The following ICA1L variants were observed in gnomAD, a reference collection of about 807,000 sequenced individuals.
ICA1L encodes islet cell autoantigen 1-like protein.
ICA1L carries 50 observed loss-of-function variants against 61.3 expected under a neutral mutation model. That is an observed-to-expected ratio of 0.82 (90% CI 0.65 to 1.03). The LOEUF is 1.03. ICA1L is among the 50% of genes least tolerant of loss of function. The probability of loss-of-function intolerance (pLI) is 0.00; values close to 1 mark genes in which losing one functional copy is unlikely to be tolerated. For synonymous variants in ICA1L, 161 were observed against 191.3 expected (o/e 0.84, Z 1.31); for missense variants, 508 against 556.7 (o/e 0.91, Z 0.88).
intron 1 of ICA1L, among the ~76,000 whole-genome samples, chr2:202,847,713 A>ATATATATAT (rs1242055604): frequency 3.4e-5 from 5 of 147,412 alleles, no homozygotes; most frequent in South Asian, 2.1e-4. Flanking sequence ...ATATATAGTT[A>ATATATATAT]AGCAGTGAGA....
chr2:202,799,300 A>G (rs1013870546), intron 9 of ICA1L, among the ~76,000 whole-genome samples: 4 of 152,088 alleles, frequency 2.6e-5, no homozygotes, highest in Non-Finnish European at 5.9e-5. Flanking sequence ...TTGTCTTTTT[A>G]ATAATAGCCT....
intron 4 of ICA1L, 107 bp from the exon 5 acceptor site, chr2:202,820,006 A>C (rs1311663412): frequency 2.4e-6 from 2 of 821,442 alleles, no homozygotes; most frequent in Non-Finnish European, 3.8e-6. Flanking sequence ...TGAATCTACA[A>C]GTAAAAAATT....
intron 4 of ICA1L, among the ~76,000 whole-genome samples, chr2:202,820,934 T>C (rs1379281495): frequency 1.3e-5 from 2 of 152,142 alleles, no homozygotes; most frequent in Non-Finnish European, 2.9e-5. Context: ...AACTGGAAAG[T>C]ATGTAATTAA....
chr2:202,820,015 T>G (rs888487041), intron 4 of ICA1L, 116 bp from the exon 5 acceptor site: 2 of 751,038 alleles, frequency 2.7e-6, no homozygotes, highest in South Asian at 1.8e-5. Flanking sequence ...AAGTAAAAAA[T>G]TATTCAGTTC....
chr2:202,841,814 A>C, intron 1 of ICA1L: 1 of 323,192 alleles, frequency 3.1e-6, no homozygotes, highest in South Asian at 3.0e-5. Flanking sequence ...GGTGGGCTGA[A>C]CCAGATGGAG....
chr2:202,835,920 T>C (rs1441018082), intron 1 of ICA1L, among the ~76,000 whole-genome samples: 1 of 152,196 alleles, frequency 6.6e-6, no homozygotes, highest in Admixed American at 6.5e-5. Flanking sequence ...AGTTTTTTGG[T>C]GGAGTCTTCA....
intron 1 of ICA1L, among the ~76,000 whole-genome samples, chr2:202,843,611 G>A (rs1694386998): frequency 6.6e-6 from 1 of 152,324 alleles, no homozygotes; most frequent in African/African-American, 2.4e-5. Flanking sequence ...CTGCAGTTCT[G>A]AGTTCCCAGG....
chr2:202,856,438 C>A (rs561259451), intron 1 of ICA1L, among the ~76,000 whole-genome samples: 1 of 152,040 alleles, frequency 6.6e-6, no homozygotes, highest in Non-Finnish European at 1.5e-5. Flanking sequence ...CACCCCTTCA[C>A]GCTAAAAACT....
At chr2:202,821,898 TCA>T (rs1209789942) in intron 3 of ICA1L, 1 of 154,706 alleles carries the variant, frequency 6.5e-6, no homozygotes, top group African/African-American at 2.4e-5. Context: ...CCTCCTGGCT[TCA>T]GTTTCCTGTG....
chr2:202,841,779 C>T (rs1694339934), intron 1 of ICA1L: 2 of 420,434 alleles, frequency 4.8e-6, no homozygotes, highest in Non-Finnish European at 9.3e-6. Flanking sequence ...CCATGATGGA[C>T]ATGGTTGATG....
chr2:202,801,976 C>G (rs1402288442), intron 9 of ICA1L, among the ~76,000 whole-genome samples: 1 of 152,118 alleles, frequency 6.6e-6, no homozygotes, highest in Non-Finnish European at 1.5e-5. Context: ...TCACAAATCA[C>G]TAAAGAAACA....
chr2:202,819,858 A>G lies in ICA1L; in HGVS notation c.401T>C (p.Val134Ala). The G allele has an allele frequency of 6.2e-7, 1 of 1,614,138 alleles. No homozygotes were observed. The change falls in exon 5 of 13, where the codon GTA becomes GCA. Residue 134 changes from valine to alanine, a missense_variant. By Grantham distance (64) the Val-to-Ala change is moderately conservative. Coordinates refer to ENST00000358299, the MANE Select transcript of ICA1L (RefSeq NM_001288622.3). ...CTPLSRLKQE[V>A]ATFSQRAVSD... ...TACTGCCCTTTGACTGAATGTTGCT[A>G]CTTCTTGCTTCAGACGAGACAGAGG...
rs146133711 is a variant in ICA1L at position 202,822,805 on chromosome 2, C to T, written c.236-1324G>A. The stretch of plus-strand genomic sequence containing the variant: ...TGCCTCCCCACTACCCCTGTCCCCG[C>T]TGCCATGCCTACAAGGGTGACCCAA... On this transcript the variant is annotated intron_variant, in intron 3 of 12. Coordinates refer to ENST00000358299, the MANE Select transcript of ICA1L (RefSeq NM_001288622.3). Among the ~76,000 whole-genome samples, 533 of 152,314 alleles carry T rather than the reference C, an allele frequency of 3.5e-3. 2 individuals are homozygous for T. The highest frequency in any genetic ancestry group is 0.012 in the African/African-American group (488 of 41,566).
In ICA1L at chr2:202,779,596, G is replaced by T; in HGVS notation, c.1386C>A (p.Asp462Glu). 2.5e-6 allele frequency: 4 copies of T among 1,613,592 alleles called. No individual in the cohort carries two copies. The highest frequency in any genetic ancestry group is 3.4e-6 in the Non-Finnish European group (4 of 1,179,846). ...DMSAWFNLFA[D>E]LDPLSNPDAI... ...CATCTGGGTTTGAAAGTGGATCCAA[G>T]TCTGCAAACAGATTGAACCAGGCTG... Residue 462 changes from aspartate (D) to glutamate (E), a missense_variant, in exon 13 of 13, where the codon GAC becomes GAA. By Grantham distance (45) the Asp-to-Glu change is conservative. Coordinates refer to ENST00000358299, the MANE Select transcript of ICA1L (RefSeq NM_001288622.3).
chr2:202,796,307 AT>A (rs1461009132), intron 10 of ICA1L, among the ~76,000 whole-genome samples: 1 of 152,180 alleles, frequency 6.6e-6, no homozygotes, highest in Non-Finnish European at 1.5e-5. Context: ...CTTTAAAAAA[AT>A]TTTTTTAACT....
chr2:202,821,926 T>G (rs944460753), intron 3 of ICA1L, among the ~76,000 whole-genome samples: 9 of 152,220 alleles, frequency 5.9e-5, no homozygotes, highest in Non-Finnish European at 1.2e-4. Flanking sequence ...TATCGCAGAC[T>G]CACAGATGTC....
At position 202,864,335 on chromosome 2, in the gene ICA1L, C is replaced by T. The variant is rs191062380; in HGVS notation, c.-8+7284G>A. 2.3e-3 allele frequency among the ~76,000 whole-genome samples: 349 copies of T among 152,184 alleles called. 1 individual carries two copies. Among genetic ancestry groups the T allele is most frequent in the African/African-American group, 7.8e-3 (325 of 41,530 alleles). ...CTCGGCTCACTGCAAGCTCCGCCTC[C>T]CGGGTTCACGCCATTCTCCTGCCTC... is the stretch of plus-strand genomic sequence containing the variant. On this transcript the variant is annotated intron_variant, in intron 1 of 12. Transcript: ENST00000358299.
chr2:202,788,964 G>T lies in ICA1L; in HGVS notation c.1109C>A (p.Thr370Asn). 1.2e-6 allele frequency: 2 copies of T among 1,614,160 alleles called. No homozygotes were observed. Among genetic ancestry groups the T allele is most frequent in the South Asian group, 2.2e-5 (2 of 91,080 alleles). ...STSEFTQECQ[T>N]AFGSPSASLT... Reference sequence around the variant, plus strand: ...ACTGGCACTGGGGCTCCCAAAGGCAGTCTGGCATTCTTGGGTAAATTCACT... The same window carrying T: ...ACTGGCACTGGGGCTCCCAAAGGCATTCTGGCATTCTTGGGTAAATTCACT... Residue 370 changes from threonine to asparagine, a missense_variant, in exon 11 of 13, where the codon ACT (threonine) becomes AAT (asparagine). By Grantham distance (65) the Thr-to-Asn change is moderately conservative. Transcript: ENST00000358299.
intron 9 of ICA1L, among the ~76,000 whole-genome samples, chr2:202,809,322 C>T (rs929715330): frequency 4.0e-5 from 6 of 151,240 alleles, no homozygotes; most frequent in South Asian, 2.1e-4. Flanking sequence ...GTTTGAAGAC[C>T]GGTTATCTGA....
Sources: gnomAD v4.1 joint callset for allele counts (sites outside exome capture counted in the v4.1 genomes callset) on GRCh38, gnomAD v4.1.1 for gene constraint, MANE v1.5 for transcripts, NCBI Gene and HGNC (gene_info 2026-07-23, HGNC 2026-07-21) for gene names.